The following C12orf42 variants were observed in gnomAD, a reference collection of about 807,000 sequenced individuals.
C12orf42 encodes the protein uncharacterized protein C12orf42.
Under a neutral mutation model 21.6 loss-of-function variants are expected in C12orf42, and 25 were observed. The observed-to-expected ratio is 1.16, with a 90% CI of 0.84 to 1.62. The LOEUF is 1.62. Among genes scored for constraint, C12orf42 ranks in the 40% most tolerant of loss-of-function variants. The pLI is 0.00. For missense variants in C12orf42, 483 were observed against 459.3 expected, an observed-to-expected ratio of 1.05 and a Z score of -0.47; for synonymous variants, 174 against 175.0, an observed-to-expected ratio of 0.99 and a Z score of 0.05.
chr12:103,211,332 A>G, the C12orf42 span, among the ~76,000 whole-genome samples: 4 of 152,268 alleles, frequency 2.6e-5, no homozygotes, highest in South Asian at 8.3e-4. Flanking sequence ...TTTAACCTTT[A>G]TTACTTCCTA....
the C12orf42 span, among the ~76,000 whole-genome samples, chr12:103,536,927 T>G: frequency 6.6e-6 from 1 of 152,186 alleles, no homozygotes; most frequent in Non-Finnish European, 1.5e-5. Context: ...TCTAACATGC[T>G]ATAGTGTCTA....
At chr12:103,072,693 C>T in the C12orf42 span, among the ~76,000 whole-genome samples, 2 of 152,078 alleles carry the variant, frequency 1.3e-5, no homozygotes, top group East Asian at 3.8e-4. Flanking sequence ...TGCTGTTTTC[C>T]ACCATGGTTG....
chr12:103,265,484 TAATAA>T (rs963943165), downstream of C12orf42, among the ~76,000 whole-genome samples: 2 of 152,168 alleles, frequency 1.3e-5, no homozygotes, highest in African/African-American at 2.4e-5. Flanking sequence ...TAGAATTGTG[TAATAA>T]AATAAAAATA....
the C12orf42 span, among the ~76,000 whole-genome samples, chr12:103,073,191 G>A: frequency 2.4e-4 from 36 of 152,280 alleles, no homozygotes; most frequent in African/African-American, 8.7e-4. Flanking sequence ...TGGAGGGTGG[G>A]AGGAGGGAGA....
chr12:103,391,309 A>G (rs150405707), intron 3 of C12orf42, among the ~76,000 whole-genome samples: 1 of 152,316 alleles, frequency 6.6e-6, no homozygotes, highest in Non-Finnish European at 1.5e-5. Flanking sequence ...GCTGAGTCAT[A>G]TGGTAATTCT....
chr12:103,562,977 A>G, the C12orf42 span, among the ~76,000 whole-genome samples: 1 of 152,210 alleles, frequency 6.6e-6, no homozygotes, highest in Non-Finnish European at 1.5e-5. Context: ...GCTACTTAAA[A>G]TATGTCAATG....
At chr12:103,050,230 G>T in the C12orf42 span, among the ~76,000 whole-genome samples, 489 of 151,810 alleles carry the variant, frequency 3.2e-3, no homozygotes, top group Non-Finnish European at 5.0e-3. Flanking sequence ...GTGTGTGTGT[G>T]TGTGTGTGTG....
At chr12:103,430,543 A>C (rs940370980) in intron 2 of C12orf42, among the ~76,000 whole-genome samples, 1 of 152,246 alleles carries the variant, frequency 6.6e-6, no homozygotes, top group Non-Finnish European at 1.5e-5. Flanking sequence ...ACCATTGTGG[A>C]AGACAGTGTG....
the C12orf42 span, among the ~76,000 whole-genome samples, chr12:103,510,946 C>T: frequency 6.6e-6 from 1 of 152,230 alleles, no homozygotes; most frequent in African/African-American, 2.4e-5. Flanking sequence ...TGTTCCCAAA[C>T]TAGTCAGTGG....
At chr12:103,180,751 C>T in the C12orf42 span, among the ~76,000 whole-genome samples, 1 of 148,842 alleles carries the variant, frequency 6.7e-6, no homozygotes, top group African/African-American at 2.5e-5. Context: ...GCCTCAGTCT[C>T]CCGAGTAGCT....
chr12:103,200,443 G>T, the C12orf42 span, among the ~76,000 whole-genome samples: 1 of 152,088 alleles, frequency 6.6e-6, no homozygotes, highest in African/African-American at 2.4e-5. Context: ...ATACTGTATT[G>T]CATATATGCC....
the C12orf42 span, among the ~76,000 whole-genome samples, chr12:103,509,517 A>C: frequency 6.6e-6 from 1 of 152,188 alleles, no homozygotes; most frequent in South Asian, 2.1e-4. Context: ...AAAATGGTAA[A>C]TTGAAGCAAG....
At chr12:103,079,550 T>C in the C12orf42 span, among the ~76,000 whole-genome samples, 2 of 152,214 alleles carry the variant, frequency 1.3e-5, no homozygotes, top group East Asian at 1.9e-4. Flanking sequence ...TATGCATTTG[T>C]CATGTTTTTC....
chr12:103,425,147 C>T (rs1325661384), intron 2 of C12orf42, among the ~76,000 whole-genome samples: 1 of 152,166 alleles, frequency 6.6e-6, no homozygotes, highest in East Asian at 1.9e-4. Flanking sequence ...TTCCTCACCT[C>T]TGGGTAGGGA....
intron 4 of C12orf42, among the ~76,000 whole-genome samples, chr12:103,321,079 C>T (rs1300979227): frequency 6.6e-6 from 1 of 151,992 alleles, no homozygotes; most frequent in Non-Finnish European, 1.5e-5. Context: ...TTCTGGTTGG[C>T]CTACAAAATG....
intron 3 of C12orf42, among the ~76,000 whole-genome samples, chr12:103,369,435 T>C (rs1463290187): frequency 6.6e-6 from 1 of 151,146 alleles, no homozygotes; most frequent in Non-Finnish European, 1.5e-5. Context: ...TACATTTTCA[T>C]ACAGGGTGAT....
the C12orf42 span, among the ~76,000 whole-genome samples, chr12:103,174,877 C>A: frequency 6.6e-6 from 1 of 152,078 alleles, no homozygotes; most frequent in Non-Finnish European, 1.5e-5. Flanking sequence ...TCCAAATGAA[C>A]CAATATAATG....
intron 4 of C12orf42, among the ~76,000 whole-genome samples, chr12:103,353,913 G>A (rs2137524849): frequency 6.6e-6 from 1 of 152,260 alleles, no homozygotes; most frequent in South Asian, 2.1e-4. Flanking sequence ...GGGAGACTTT[G>A]GATATGCCAA....
chr12:103,194,777 C>A, the C12orf42 span, among the ~76,000 whole-genome samples: 1 of 152,118 alleles, frequency 6.6e-6, no homozygotes, highest in Non-Finnish European at 1.5e-5. Context: ...CAATCTCTAT[C>A]AAAATTCCAA....
Sources: gnomAD v4.1 joint callset for allele counts (sites outside exome capture counted in the v4.1 genomes callset) on GRCh38, gnomAD v4.1.1 for gene constraint, MANE v1.5 for transcripts, NCBI Gene and HGNC (gene_info 2026-07-23, HGNC 2026-07-21) for gene names.